The following RFX7 variants were observed in gnomAD, a reference collection of about 807,000 sequenced individuals.
RFX7 encodes DNA-binding protein RFX7.
Under a neutral mutation model 111.8 loss-of-function variants are expected in RFX7, and 26 were observed. That is an observed-to-expected ratio of 0.23 (90% CI 0.17 to 0.32). The LOEUF (loss-of-function observed/expected upper bound fraction) is 0.32. RFX7 is among the 10% of genes least tolerant of loss of function. The probability of loss-of-function intolerance (pLI) is 1.00; values close to 1 mark genes in which losing one functional copy is unlikely to be tolerated. For missense variants in RFX7, 1,573 were observed against 1,772.9 expected (o/e 0.89, Z 2.02); for synonymous variants, 624 against 624.4 (o/e 1.00, Z 0.01).
chr15:56,140,325 G>A (rs990995880), intron 5 of RFX7, among the ~76,000 whole-genome samples: 6 of 152,176 alleles, frequency 3.9e-5, no homozygotes, highest in Non-Finnish European at 8.8e-5. Context: ...GTGGTGCGCC[G>A]CTTTTTAAGC....
At chr15:56,105,691 A>G (rs1381760683) in intron 5 of RFX7, among the ~76,000 whole-genome samples, 1 of 152,120 alleles carries the variant, frequency 6.6e-6, no homozygotes, top group Non-Finnish European at 1.5e-5. Flanking sequence ...GGGTAGGAGA[A>G]AGGTTGGCAA....
rs563822802 is a variant in RFX7, at chr15:56,156,033, A to G, written c.196-11550T>C. Among the ~76,000 whole-genome samples the G allele has an allele frequency of 4.4e-4, 67 of 152,256 alleles. 2 individuals carry two copies. Among genetic ancestry groups the G allele is most frequent in the African/African-American group, 1.6e-3 (65 of 41,478 alleles). On this transcript the variant is annotated intron_variant, in intron 3 of 9. Coordinates refer to ENST00000559447, the MANE Select transcript of RFX7 (RefSeq NM_022841.7). Reference sequence around the variant, plus strand: ...AAAAGTCAGCTCTAATAAGTTTACTACACATGAACCTGCAATATGCCAATC... The same window carrying G: ...AAAAGTCAGCTCTAATAAGTTTACTGCACATGAACCTGCAATATGCCAATC...
At chr15:56,141,683 ATGCTGAATAAGGGCAAGGGCTGT>A (rs2042400743) in intron 5 of RFX7, among the ~76,000 whole-genome samples, 1 of 142,720 alleles carries the variant, frequency 7.0e-6, no homozygotes, top group African/African-American at 2.7e-5. Context: ...ATATGCATAT[ATGCTGAATAAGGGCAAGGGCTGT>A]GACTGTTTAC....
chr15:56,187,011 T>G (rs2043046528), intron 2 of RFX7, among the ~76,000 whole-genome samples: 1 of 152,252 alleles, frequency 6.6e-6, no homozygotes, highest in Non-Finnish European at 1.5e-5. Context: ...GAATATACTT[T>G]GAGTGTTTCA....
At chr15:56,144,329 T>C (rs1411111600) in intron 4 of RFX7, 72 bp downstream of exon 4, 11 of 739,580 alleles carry the variant, frequency 1.5e-5, no homozygotes, top group Non-Finnish European at 2.2e-5. Flanking sequence ...AACCAAAACA[T>C]ACAGACCTCA....
At position 56,101,346 on chromosome 15, in the gene RFX7, A is replaced by G. The variant is rs903041495; in HGVS notation, c.811+13T>C. 1.6e-5 allele frequency: 25 copies of G among 1,562,480 alleles called. No homozygotes were observed. Among genetic ancestry groups the G allele is most frequent in the Non-Finnish European group, 2.0e-5 (23 of 1,150,256 alleles). On this transcript the variant is annotated intron_variant, in intron 8 of 9. Coordinates refer to ENST00000559447, the MANE Select transcript of RFX7 (RefSeq NM_022841.7). ...CTCTGTCAGTTTTTAGCTTGTTCAC[A>G]GTAATGTTGTACCTGCTGGTGCTGC...
At chr15:56,098,562 C>T (rs2041713057) in intron 8 of RFX7, among the ~76,000 whole-genome samples, 186 bp from the exon 9 acceptor site, 1 of 152,176 alleles carries the variant, frequency 6.6e-6, no homozygotes, top group Admixed American at 6.5e-5. Context: ...ATAGTTTTGT[C>T]ATCTTACAAT....
intron 2 of RFX7, among the ~76,000 whole-genome samples, chr15:56,242,599 A>G (rs2043710994): frequency 6.6e-6 from 1 of 152,240 alleles, no homozygotes; most frequent in Non-Finnish European, 1.5e-5. Context: ...CCTGAAAAAG[A>G]AATTTAATAT....
chr15:56,200,929 A>C lies in RFX7; in HGVS notation c.162-21626T>G, dbSNP rs191116765. 1.5e-4 allele frequency among the ~76,000 whole-genome samples: 23 copies of C among 152,302 alleles called. 1 individual carries two copies. The East Asian group carries it at 4.0e-3, about 27-fold the overall frequency. ...ATAGGTGACATGCTATGTATGTACA[A>C]GTCTTTTTTTTTTTAACTGAAAAGC... is the stretch of plus-strand genomic sequence containing the variant. On this transcript the variant is annotated intron_variant, in intron 2 of 9. Transcript: ENST00000559447.
chr15:56,105,283 T>G (rs181080991), intron 5 of RFX7, among the ~76,000 whole-genome samples: 2 of 152,332 alleles, frequency 1.3e-5, no homozygotes, highest in Non-Finnish European at 2.9e-5. Flanking sequence ...CTGTTTCTTT[T>G]CTTTGCATGA....
At chr15:56,204,026 T>C (rs543293100) in intron 2 of RFX7, among the ~76,000 whole-genome samples, 2 of 150,144 alleles carry the variant, frequency 1.3e-5, no homozygotes, top group South Asian at 2.2e-4. Flanking sequence ...AACCTTTTTT[T>C]TTTTTTTTTT....
At chr15:56,111,423 CTTTG>C (rs1423749496) in intron 5 of RFX7, among the ~76,000 whole-genome samples, 10 of 151,316 alleles carry the variant, frequency 6.6e-5, no homozygotes, top group African/African-American at 1.9e-4. Flanking sequence ...GCAAGATGTG[CTTTG>C]TTAAACAGAC....
In RFX7 at chr15:56,096,294, T is replaced by C. The variant is rs138205040; in HGVS notation, c.1434A>G (p.Ile478Met). 2 of 1,613,970 alleles carry C rather than the reference T, an allele frequency of 1.2e-6. No homozygotes were observed. The highest frequency in any genetic ancestry group is 1.7e-6 in the Non-Finnish European group (2 of 1,179,872). The change falls in exon 10 of 10, where the codon ATA becomes ATG. Residue 478 changes from isoleucine (I) to methionine (M), a missense_variant. Around this residue, in one of 7 missense-constraint regions of RFX7, gnomAD observed 15 missense variants for 32.4 expected, o/e 0.46. Coordinates refer to ENST00000559447, the MANE Select transcript of RFX7 (RefSeq NM_022841.7). ...TGTTACTGTTGCTGGGTGTGAGGGA[T>C]ATTGTTGTCATTTTCACCACATTTA... ...SSLNVVKMTT[I>M]SLTPSNSNTP...
intron 2 of RFX7, among the ~76,000 whole-genome samples, chr15:56,179,530 T>A (rs964651346): frequency 5.9e-5 from 9 of 152,116 alleles, no homozygotes; most frequent in Non-Finnish European, 8.8e-5. Flanking sequence ...GTTAAAACAT[T>A]TCCTAAGTTT....
Position 56,093,249 on chromosome 15 carries a change from A to G in RFX7, c.*96T>C. 9.0e-7 allele frequency: 1 copy of G among 1,110,660 alleles called. No individual in the cohort carries two copies. The highest frequency in any genetic ancestry group is 3.0e-4 in the Middle Eastern group (1 of 3,316). 68.8% of individuals were successfully genotyped at this position (1,110,660 alleles called of 1,614,324 possible). A position where few individuals can be genotyped will look rare whatever the true frequency, so the allele number is the denominator to read the frequency against. ...GCAGCAAACGCTTTTAAAATGTCAC[A>G]ATTAATAGTATTTCTGCTGCGGGAG... is the stretch of plus-strand genomic sequence containing the variant. On this transcript the variant is annotated 3_prime_UTR_variant, in exon 10 of 10. Coordinates refer to ENST00000559447, the MANE Select transcript of RFX7 (RefSeq NM_022841.7).
At position 56,092,856 on chromosome 15, in the gene RFX7, C is replaced by T. The variant is rs2140508030; in HGVS notation, c.*489G>A. ...AGAGATTTTTCACCCTACAGTAGCT[C>T]TATGCTTCAAGCCTAAATATTTATA... On this transcript the variant is annotated 3_prime_UTR_variant, in exon 10 of 10. Transcript: ENST00000559447. 2 of 153,590 alleles carry T rather than the reference C, an allele frequency of 1.3e-5. 1 individual carries two copies. The highest frequency in any genetic ancestry group is 4.1e-4 in the South Asian group (2 of 4,860). The allele number at this position is 153,590 out of a possible 1,614,324, so 9.5% of individuals were successfully genotyped here.
intron 3 of RFX7, among the ~76,000 whole-genome samples, chr15:56,176,859 C>T (rs1258066337): frequency 6.6e-6 from 1 of 152,016 alleles, no homozygotes; most frequent in Non-Finnish European, 1.5e-5. Flanking sequence ...ATCTACTGAA[C>T]TTCTGCAATA....
intron 3 of RFX7, among the ~76,000 whole-genome samples, chr15:56,162,027 T>C (rs755872453): frequency 5.3e-5 from 8 of 152,068 alleles, no homozygotes; most frequent in Non-Finnish European, 8.8e-5. Context: ...TGTGTGCTAT[T>C]TGAAAAGATC....
intron 5 of RFX7, among the ~76,000 whole-genome samples, chr15:56,113,766 A>G (rs2140946756): frequency 6.6e-6 from 1 of 152,198 alleles, no homozygotes; most frequent in East Asian, 1.9e-4. Context: ...AGAATTATCA[A>G]TTTTCCATTA....
Sources: allele counts gnomAD v4.1 joint callset (sites outside exome capture counted in the v4.1 genomes callset), GRCh38; gene constraint gnomAD v4.1.1; regional missense constraint gnomAD v4.1.1; transcripts MANE v1.5; gene names NCBI Gene and HGNC (gene_info 2026-07-23, HGNC 2026-07-21).